The following CCSER1 variants were observed in gnomAD, a reference collection of about 807,000 sequenced individuals.
CCSER1 encodes serine-rich coiled-coil domain-containing protein 1.
Under a neutral mutation model 82.0 loss-of-function variants are expected in CCSER1, and 41 were observed. That is an observed-to-expected ratio of 0.50 (90% CI 0.39 to 0.65). The LOEUF is 0.65. Ranked by LOEUF, CCSER1 falls within the 30% of genes least tolerant of loss-of-function variation. CCSER1 has a pLI of 0.00. For missense variants in CCSER1, 1,119 were observed against 1,064.2 expected (o/e 1.05, Z -0.72); for synonymous variants, 414 against 383.9 (o/e 1.08, Z -0.92).
chr4:90,879,489 G>GAAGAA, intron 8 of CCSER1, among the ~76,000 whole-genome samples: 1 of 47,444 alleles, frequency 2.1e-5, no homozygotes, highest in African/African-American at 1.7e-4. Flanking sequence ...AATAAAAGAG[G>GAAGAA]AAGAAGAAGA....
chr4:91,330,381 C>T (rs999728226), intron 10 of CCSER1, among the ~76,000 whole-genome samples: 2 of 152,086 alleles, frequency 1.3e-5, no homozygotes, highest in Non-Finnish European at 2.9e-5. Context: ...TTCAAGTCAC[C>T]GATCACTGTG....
chr4:90,575,598 A>G (rs190472815), intron 5 of CCSER1, among the ~76,000 whole-genome samples: 9 of 152,340 alleles, frequency 5.9e-5, no homozygotes, highest in East Asian at 3.9e-4. Flanking sequence ...TACCTGAACC[A>G]AACTTTAAAT....
At chr4:91,148,659 G>A (rs533854249) in intron 10 of CCSER1, among the ~76,000 whole-genome samples, 11 of 152,018 alleles carry the variant, frequency 7.2e-5, no homozygotes, top group East Asian at 1.9e-4. Context: ...GACAGGCCCC[G>A]GTGTGTGATG....
chr4:90,359,567 A>G lies in CCSER1; in HGVS notation c.1510-40469A>G, dbSNP rs181109368. ...AGCCTGGCAAGGATGGTGAAGCCCC[A>G]TCTCTACTGAAAATACAAAAATTAG... On this transcript the variant is annotated intron_variant, in intron 3 of 10. Transcript: ENST00000509176. 2.8e-3 allele frequency among the ~76,000 whole-genome samples: 420 copies of G among 151,832 alleles called. 3 individuals are homozygous for G. The highest frequency in any genetic ancestry group is 9.6e-3 in the African/African-American group (397 of 41,430).
At chr4:90,531,240 A>G (rs1359586775) in intron 5 of CCSER1, among the ~76,000 whole-genome samples, 1 of 151,834 alleles carries the variant, frequency 6.6e-6, no homozygotes, top group Non-Finnish European at 1.5e-5. Flanking sequence ...TTTTCTAAAT[A>G]CTCTTTTCTC....
intron 9 of CCSER1, among the ~76,000 whole-genome samples, chr4:90,961,990 A>AAACAAC (rs1302773532): frequency 6.6e-6 from 1 of 152,092 alleles, no homozygotes; most frequent in African/African-American, 2.4e-5. Context: ...ACAAAAACAA[A>AAACAAC]AAACATTGTT....
At chr4:91,361,847 C>T (rs147855610) in intron 10 of CCSER1, among the ~76,000 whole-genome samples, 2 of 151,838 alleles carry the variant, frequency 1.3e-5, no homozygotes, top group East Asian at 1.9e-4. Context: ...CTTTTGTGGA[C>T]CCTATATTGT....
intron 10 of CCSER1, among the ~76,000 whole-genome samples, chr4:91,343,544 T>C (rs960806151): frequency 1.1e-4 from 17 of 152,158 alleles, no homozygotes; most frequent in Admixed American, 7.9e-4. Context: ...AAAGTGTGAA[T>C]TCACTAAGTT....
intron 8 of CCSER1, among the ~76,000 whole-genome samples, chr4:90,880,130 C>A (rs1288009081): frequency 1.3e-5 from 2 of 152,124 alleles, no homozygotes; most frequent in Non-Finnish European, 2.9e-5. Flanking sequence ...TTTCTCAATG[C>A]TCTCTGAAAG....
chr4:90,747,750 C>T (rs1747751109), intron 7 of CCSER1, among the ~76,000 whole-genome samples: 1 of 150,520 alleles, frequency 6.6e-6, no homozygotes. Context: ...GCGCTGCACC[C>T]AGTAACTCAT....
chr4:91,131,494 CAG>C (rs1422653058), intron 10 of CCSER1, among the ~76,000 whole-genome samples: 2 of 151,776 alleles, frequency 1.3e-5, no homozygotes, highest in Non-Finnish European at 2.9e-5. Flanking sequence ...TGTGTACAAG[CAG>C]TATATAATAC....
chr4:91,390,031 A>G (rs538447730), intron 10 of CCSER1, among the ~76,000 whole-genome samples: 1 of 151,908 alleles, frequency 6.6e-6, no homozygotes, highest in Non-Finnish European at 1.5e-5. Context: ...AGACAGTTTT[A>G]TTTCTTCCTT....
intron 7 of CCSER1, among the ~76,000 whole-genome samples, chr4:90,798,579 G>A (rs1756353954): frequency 6.6e-6 from 1 of 152,146 alleles, no homozygotes; most frequent in East Asian, 1.9e-4. Flanking sequence ...CACAGTTCTT[G>A]CACTGATTCT....
chr4:91,299,576 C>A (rs1413669402), intron 10 of CCSER1, among the ~76,000 whole-genome samples: 3 of 151,874 alleles, frequency 2.0e-5, no homozygotes. Context: ...GATTTCAAAG[C>A]TAACTAGTTT....
At chr4:91,379,889 T>C (rs1282594096) in intron 10 of CCSER1, among the ~76,000 whole-genome samples, 6 of 152,230 alleles carry the variant, frequency 3.9e-5, no homozygotes, top group Non-Finnish European at 8.8e-5. Flanking sequence ...CATTAAGTGC[T>C]ATAAATTTCC....
chr4:91,357,215 T>G (rs1253327948), intron 10 of CCSER1, among the ~76,000 whole-genome samples: 1 of 152,224 alleles, frequency 6.6e-6, no homozygotes, highest in Non-Finnish European at 1.5e-5. Context: ...TAATGCTTCT[T>G]GTGTGATTTT....
intron 10 of CCSER1, among the ~76,000 whole-genome samples, chr4:91,140,827 G>A (rs9993103): frequency 0.73 from 110,835 of 151,952 alleles, 40,680 homozygotes; most frequent in Non-Finnish European, 0.78. Flanking sequence ...ACTTTATTTT[G>A]GCTTCAGGGG....
Position 90,595,825 on chromosome 4 carries a change from A to G in CCSER1, c.1725-32200A>G, listed in dbSNP as rs948526914. On this transcript the variant is annotated intron_variant, in intron 5 of 10. Transcript: ENST00000509176. ...ATAAAATAATAAAGAATAGTCAAGAACTTGACATTATTTTTTGATTAGACT... is the reference window on the plus strand; with the variant it reads ...ATAAAATAATAAAGAATAGTCAAGAGCTTGACATTATTTTTTGATTAGACT... Among the ~76,000 whole-genome samples, 3 of 152,092 alleles carry G rather than the reference A, an allele frequency of 2.0e-5. No homozygotes were observed. In the East Asian group the frequency reaches 5.8e-4, roughly 29 times the overall value.
intron 9 of CCSER1, among the ~76,000 whole-genome samples, chr4:91,003,739 T>G (rs540536306): frequency 4.6e-5 from 7 of 152,082 alleles, no homozygotes; most frequent in African/African-American, 1.7e-4. Context: ...GGCCAGGAGA[T>G]TTCCTCAATG....
Sources: allele counts gnomAD v4.1 joint callset (sites outside exome capture counted in the v4.1 genomes callset), GRCh38; gene constraint gnomAD v4.1.1; transcripts MANE v1.5; gene names NCBI Gene and HGNC (gene_info 2026-07-23, HGNC 2026-07-21).